The following METAP1D variants were observed in gnomAD, a reference collection of about 807,000 sequenced individuals.
METAP1D encodes the protein methionyl aminopeptidase type 1D, mitochondrial.
Under a neutral mutation model 40.5 loss-of-function variants are expected in METAP1D, and 31 were observed. That is an observed-to-expected ratio of 0.77 (90% confidence interval 0.58 to 1.03). METAP1D has a LOEUF of 1.03. Ranked by LOEUF, METAP1D falls within the 50% of genes least tolerant of loss-of-function variation. The pLI is 0.00. For synonymous variants in METAP1D, 151 were observed against 146.4 expected (o/e 1.03, Z -0.22); for missense variants, 411 against 420.7 (o/e 0.98, Z 0.20).
intron 1 of METAP1D, among the ~76,000 whole-genome samples, chr2:172,015,490 T>C (rs1688834479): frequency 6.6e-6 from 1 of 152,208 alleles, no homozygotes; most frequent in Non-Finnish European, 1.5e-5. Context: ...CTTATATTAA[T>C]ATTAGCAAAG....
In METAP1D at chr2:172,042,308, TAC is replaced by T. The variant is rs1415171167; in HGVS notation, c.41-19188_41-19187del. On this transcript the variant is annotated intron_variant, in intron 1 of 9. Coordinates refer to ENST00000315796, the MANE Select transcript of METAP1D (RefSeq NM_199227.3). ...ATGTATGTGTACATGTGTACATATA[TAC>T]ATATATACATATGTATGTGTACATG... 7.5e-5 allele frequency among the ~76,000 whole-genome samples: 4 copies of T among 53,674 alleles called. 2 individuals carry two copies. Among genetic ancestry groups the T allele is most frequent in the Non-Finnish European group, 1.5e-4 (4 of 27,022 alleles). The allele number at this position is 53,674 out of a possible 152,430, so 35.2% of individuals were successfully genotyped here. A position where few individuals can be genotyped will look rare whatever the true frequency, so the allele number is the denominator to read the frequency against.
At chr2:172,012,383 G>T (rs1444455939) in intron 1 of METAP1D, among the ~76,000 whole-genome samples, 6 of 152,192 alleles carry the variant, frequency 3.9e-5, no homozygotes, top group African/African-American at 9.7e-5. Flanking sequence ...GGAGAAGGCT[G>T]TTCTGGGGCT....
intron 8 of METAP1D, 122 bp downstream of exon 8, chr2:172,079,384 A>G (rs191773312): frequency 1.2e-6 from 1 of 859,366 alleles, no homozygotes; most frequent in African/African-American, 1.7e-5. Flanking sequence ...AATAATTCGG[A>G]TGCACTGGAA....
intron 1 of METAP1D, among the ~76,000 whole-genome samples, chr2:172,028,534 ATGTGTGTCTGTGTGTGTG>A (rs1227751220): frequency 8.0e-6 from 1 of 124,450 alleles, no homozygotes; most frequent in South Asian, 2.7e-4. Flanking sequence ...AGACTTCTGT[ATGTGTGTCTGTGTGTGTG>A]TGTGTGTGTG....
intron 1 of METAP1D, among the ~76,000 whole-genome samples, chr2:172,023,901 C>G (rs183081795): frequency 2.0e-5 from 3 of 147,502 alleles, no homozygotes; most frequent in Non-Finnish European, 4.4e-5. Flanking sequence ...GTCACCCAGG[C>G]TGGAGTGCAG....
intron 1 of METAP1D, among the ~76,000 whole-genome samples, chr2:172,003,496 T>C (rs1183541135): frequency 3.3e-5 from 5 of 152,124 alleles, no homozygotes; most frequent in Non-Finnish European, 1.5e-5. Context: ...GGGGATAGTT[T>C]CCCCCATTCT....
chr2:172,031,672 G>T (rs1009909819), intron 1 of METAP1D, among the ~76,000 whole-genome samples: 1 of 152,100 alleles, frequency 6.6e-6, no homozygotes, highest in Non-Finnish European at 1.5e-5. Context: ...ATGGGTTTTT[G>T]GCAAGAATAC....
At chr2:172,079,706 A>G (rs1158413561) in intron 8 of METAP1D, among the ~76,000 whole-genome samples, 1 of 152,236 alleles carries the variant, frequency 6.6e-6, no homozygotes, top group African/African-American at 2.4e-5. Context: ...TTAATGGAGA[A>G]GCAATTAGAG....
chr2:172,034,720 T>C (rs1322870611), intron 1 of METAP1D, among the ~76,000 whole-genome samples: 1 of 152,058 alleles, frequency 6.6e-6, no homozygotes, highest in African/African-American at 2.4e-5. Context: ...CCAACAAGGG[T>C]TTTATCAATT....
intron 1 of METAP1D, among the ~76,000 whole-genome samples, chr2:172,037,799 C>G (rs532580453): frequency 2.0e-5 from 3 of 152,302 alleles, no homozygotes; most frequent in South Asian, 4.1e-4. Context: ...TGTTTTGTCT[C>G]CGGGTGGCTG....
chr2:172,063,338 T>C (rs1318225876), intron 2 of METAP1D, among the ~76,000 whole-genome samples: 4 of 152,236 alleles, frequency 2.6e-5, no homozygotes, highest in Non-Finnish European at 5.9e-5. Flanking sequence ...AAAGTGCTCT[T>C]AATTAACCAT....
intron 1 of METAP1D, among the ~76,000 whole-genome samples, chr2:172,004,405 C>A (rs1688533125): frequency 6.6e-6 from 1 of 151,738 alleles, no homozygotes; most frequent in South Asian, 2.1e-4. Flanking sequence ...CCCACTGCAA[C>A]CTCTGCCACC....
intron 1 of METAP1D, among the ~76,000 whole-genome samples, chr2:172,026,955 G>A (rs1689131698): frequency 6.6e-6 from 1 of 152,140 alleles, no homozygotes; most frequent in Admixed American, 6.5e-5. Context: ...TTATGACTTA[G>A]AGCATTAACT....
chr2:172,060,077 A>G lies in METAP1D; in HGVS notation c.41-1421A>G, dbSNP rs148170671. Among the ~76,000 whole-genome samples, 145 of 151,998 alleles carry G rather than the reference A, an allele frequency of 9.5e-4. 3 individuals carry two copies. In the East Asian group the frequency reaches 0.026, roughly 27 times the overall value. ...AAAAAAAGAAACCAAAAAACAAAAA[A>G]CAAAAAAAAGATTGTTCTAAATATG... On this transcript the variant is annotated intron_variant, in intron 1 of 9. Coordinates refer to ENST00000315796, the MANE Select transcript of METAP1D (RefSeq NM_199227.3).
chr2:172,017,686 A>T (rs1688909125), intron 1 of METAP1D, among the ~76,000 whole-genome samples: 1 of 152,166 alleles, frequency 6.6e-6, no homozygotes, highest in Admixed American at 6.5e-5. Flanking sequence ...AGAGAAAAAA[A>T]AATGGACTTG....
At chr2:172,022,173 C>G (rs1040984686) in intron 1 of METAP1D, among the ~76,000 whole-genome samples, 4 of 152,184 alleles carry the variant, frequency 2.6e-5, no homozygotes. Context: ...CATGATCCCA[C>G]CCTGCCCCCA....
At chr2:172,031,582 G>A (rs530729117) in intron 1 of METAP1D, among the ~76,000 whole-genome samples, 1 of 152,330 alleles carries the variant, frequency 6.6e-6, no homozygotes, top group East Asian at 1.9e-4. Flanking sequence ...ATACCAAAGT[G>A]TTTCCAGAAT....
chr2:172,058,687 ACTT>A (rs1384250999), intron 1 of METAP1D, among the ~76,000 whole-genome samples: 1 of 152,138 alleles, frequency 6.6e-6, no homozygotes, highest in Non-Finnish European at 1.5e-5. Flanking sequence ...GAGTTTTGTA[ACTT>A]CTTTTTAAAG....
intron 1 of METAP1D, among the ~76,000 whole-genome samples, chr2:172,003,152 C>T (rs1688501665): frequency 6.6e-6 from 1 of 152,112 alleles, no homozygotes; most frequent in Non-Finnish European, 1.5e-5. Flanking sequence ...TGGGTAGAAA[C>T]TATGAGTAGT....
Sources: allele counts gnomAD v4.1 joint callset (sites outside exome capture counted in the v4.1 genomes callset), GRCh38; gene constraint gnomAD v4.1.1; transcripts MANE v1.5; gene names NCBI Gene and HGNC (gene_info 2026-07-23, HGNC 2026-07-21).